Variants in MOB1B observed in about 807,000 individuals in gnomAD.
MOB1B encodes the protein MOB kinase activator 1B, also known as MOB1 Mps One Binder homolog B.
MOB1B carries 19 observed loss-of-function variants against 24.4 expected under a neutral mutation model. The observed-to-expected ratio is 0.78, with a 90% CI of 0.54 to 1.14. The LOEUF is 1.14. MOB1B is among the 50% of genes most tolerant of loss of function. The probability of loss-of-function intolerance (pLI) is 0.00; values close to 1 mark genes in which losing one functional copy is unlikely to be tolerated. For synonymous variants in MOB1B, 76 were observed against 82.1 expected (o/e 0.93, Z 0.40); for missense variants, 243 against 259.6 (o/e 0.94, Z 0.44).
At chr4:70,958,803 G>T in intron 1 of MOB1B, 71 bp from the exon 2 acceptor site, 1 of 1,346,620 alleles carries the variant, frequency 7.4e-7, no homozygotes, top group Non-Finnish European at 1.1e-6. Flanking sequence ...TAGGTCTAAT[G>T]CTTGGTGAAT....
chr4:70,910,657 T>G (rs1320908740), intron 1 of MOB1B, among the ~76,000 whole-genome samples: 1 of 152,060 alleles, frequency 6.6e-6, no homozygotes, highest in Admixed American at 6.6e-5. Flanking sequence ...AACCTTTATC[T>G]TTAGTGTAAA....
chr4:70,907,211 C>T (rs1735784659), intron 1 of MOB1B, among the ~76,000 whole-genome samples: 1 of 152,130 alleles, frequency 6.6e-6, no homozygotes, highest in African/African-American at 2.4e-5. Context: ...AAATCACCAA[C>T]TTGAGGTTGG....
intron 1 of MOB1B, among the ~76,000 whole-genome samples, chr4:70,922,458 G>T (rs1736475657): frequency 6.6e-6 from 1 of 152,118 alleles, no homozygotes; most frequent in Non-Finnish European, 1.5e-5. Flanking sequence ...GTGGGGAGGG[G>T]GCTTGGGGGC....
chr4:70,909,762 T>C (rs2148866656), intron 1 of MOB1B, among the ~76,000 whole-genome samples: 1 of 152,110 alleles, frequency 6.6e-6, no homozygotes, highest in African/African-American at 2.4e-5. Context: ...AGTCTTGCTC[T>C]GCCACCCAGG....
In MOB1B at chr4:70,986,022, G is replaced by A. The variant is rs900207877; in HGVS notation, c.*3965G>A. On this transcript the variant is annotated 3_prime_UTR_variant, in exon 6 of 6. Transcript: ENST00000309395. The stretch of plus-strand genomic sequence containing the variant: ...GAAGTGGAAATTATCACTTGGATGT[G>A]GAGGTTTTACTTTTTAAAAACATTC... 4 of 152,136 alleles carry A rather than the reference G, an allele frequency of 2.6e-5. No homozygotes were observed. The highest frequency in any genetic ancestry group is 7.2e-5 in the African/African-American group (3 of 41,416). 9.4% of individuals were successfully genotyped at this position (152,136 alleles called of 1,614,324 possible).
intron 3 of MOB1B, 45 bp downstream of exon 3, chr4:70,970,069 A>G: frequency 8.4e-7 from 1 of 1,189,590 alleles, no homozygotes; most frequent in South Asian, 1.4e-5. Context: ...ACATTATTTT[A>G]CGGTTCTTAA....
At chr4:70,978,177 A>G (rs983123440) in intron 4 of MOB1B, among the ~76,000 whole-genome samples, 1 of 152,228 alleles carries the variant, frequency 6.6e-6, no homozygotes, top group African/African-American at 2.4e-5. Context: ...GTGAGGTTAT[A>G]CAATATTTTT....
At chr4:70,939,705 A>G (rs1398680840) in intron 1 of MOB1B, among the ~76,000 whole-genome samples, 1 of 152,038 alleles carries the variant, frequency 6.6e-6, no homozygotes, top group Non-Finnish European at 1.5e-5. Flanking sequence ...CTCTACAGGG[A>G]GTGTGCAGTG....
chr4:70,953,099 C>T (rs187110851), intron 1 of MOB1B, among the ~76,000 whole-genome samples: 124 of 151,932 alleles, frequency 8.2e-4, no homozygotes, highest in Non-Finnish European at 1.4e-3. Context: ...CCACCATGTC[C>T]GGCTAATTTT....
At chr4:70,958,794 A>T in intron 1 of MOB1B, 80 bp from the exon 2 acceptor site, 1 of 1,233,818 alleles carries the variant, frequency 8.1e-7, no homozygotes, top group Non-Finnish European at 1.2e-6. Context: ...AATACAGTTT[A>T]GGTCTAATGC....
At chr4:70,957,908 C>T (rs1738135435) in intron 1 of MOB1B, among the ~76,000 whole-genome samples, 1 of 151,948 alleles carries the variant, frequency 6.6e-6, no homozygotes, top group African/African-American at 2.4e-5. Flanking sequence ...GTGCCCAGCT[C>T]TCTTAAAAAC....
At chr4:70,929,590 C>T (rs1203070092) in intron 1 of MOB1B, among the ~76,000 whole-genome samples, 1 of 152,058 alleles carries the variant, frequency 6.6e-6, no homozygotes, top group Non-Finnish European at 1.5e-5. Flanking sequence ...AGATGATCCT[C>T]TTACCTCAGC....
intron 1 of MOB1B, 110 bp from the exon 2 acceptor site, chr4:70,958,764 C>A: frequency 1.0e-6 from 1 of 995,064 alleles, no homozygotes; most frequent in Non-Finnish European, 1.6e-6. Context: ...TACAGCAATT[C>A]TATTGCTGGG....
rs779889508 is a variant in MOB1B at position 70,982,057 on chromosome 4, A to C, written c.651A>C (p.Ter217TyrextTer12). 1 of 1,605,766 alleles carries C rather than the reference A, an allele frequency of 6.2e-7. No individual in the cohort carries two copies. ...LIEKLTSKDR* is the reference protein window; with the variant it reads ...LIEKLTSKDRY ...AAAAACTCACCTCAAAAGACAGATAAAAGGATGCAGAGCTGTGCAAATTGT... is the reference window on the plus strand; with the variant it reads ...AAAAACTCACCTCAAAAGACAGATACAAGGATGCAGAGCTGTGCAAATTGT... The change falls in exon 6 of 6, where the codon TAA (stop) becomes TAC (tyrosine). Residue 217 changes from the stop codon to tyrosine, a stop_lost. Transcript: ENST00000309395.
At chr4:70,927,537 C>T (rs1160045293) in intron 1 of MOB1B, among the ~76,000 whole-genome samples, 2 of 148,502 alleles carry the variant, frequency 1.3e-5, no homozygotes, top group Non-Finnish European at 3.0e-5. Context: ...GAGAATCTGT[C>T]TCAAAAAAAA....
intron 4 of MOB1B, 108 bp from the exon 5 acceptor site, chr4:70,979,020 T>C (rs1739103219): frequency 3.5e-6 from 3 of 850,538 alleles, no homozygotes; most frequent in Non-Finnish European, 1.9e-6. Flanking sequence ...TCATAAATGC[T>C]ACTTCTTTTC....
intron 1 of MOB1B, among the ~76,000 whole-genome samples, chr4:70,912,830 G>A (rs1033766732): frequency 2.0e-5 from 3 of 152,092 alleles, no homozygotes; most frequent in African/African-American, 7.2e-5. Flanking sequence ...GCCCGATCTC[G>A]ACTCACTGCA....
intron 1 of MOB1B, among the ~76,000 whole-genome samples, chr4:70,933,473 C>G (rs1736959208): frequency 6.7e-6 from 1 of 150,160 alleles, no homozygotes; most frequent in South Asian, 2.1e-4. Flanking sequence ...TTATTTTTGT[C>G]AGTGTTCTTC....
At chr4:70,911,557 T>C (rs570086194) in intron 1 of MOB1B, among the ~76,000 whole-genome samples, 4 of 152,260 alleles carry the variant, frequency 2.6e-5, no homozygotes, top group East Asian at 1.9e-4. Context: ...TTTACTTTTA[T>C]CATGTTTAGA....
Sources: gnomAD v4.1 joint callset for allele counts (sites outside exome capture counted in the v4.1 genomes callset) on GRCh38, gnomAD v4.1.1 for gene constraint, MANE v1.5 for transcripts, NCBI Gene and HGNC (gene_info 2026-07-23, HGNC 2026-07-21) for gene names.